The following C8orf34 variants were observed in gnomAD, a reference collection of about 807,000 sequenced individuals.
C8orf34 encodes the protein chromosome 8 open reading frame 34, also known as uncharacterized protein C8orf34.
A neutral mutation model predicts 68.3 loss-of-function variants in C8orf34; 65 were observed. The ratio of observed to expected loss-of-function variants is 0.95; its 90% CI spans 0.78 to 1.17. C8orf34 has a LOEUF of 1.17. Ranked by LOEUF, C8orf34 falls within the 50% of genes most tolerant of loss-of-function variation. The pLI, the probability that C8orf34 is intolerant of heterozygous loss-of-function variation, is 0.00. For synonymous variants in C8orf34, 244 were observed against 241.2 expected (o/e 1.01, Z -0.11); for missense variants, 664 against 655.4 (o/e 1.01, Z -0.14).
At chr8:68,499,632 T>C (rs1217031739) in intron 5 of C8orf34, among the ~76,000 whole-genome samples, 3 of 152,146 alleles carry the variant, frequency 2.0e-5, no homozygotes, top group African/African-American at 7.2e-5. Context: ...TTAAAATTCG[T>C]AGGTAAAATT....
chr8:68,375,438 T>C (rs1807750613), intron 1 of C8orf34, among the ~76,000 whole-genome samples: 1 of 152,242 alleles, frequency 6.6e-6, no homozygotes, highest in Non-Finnish European at 1.5e-5. Context: ...CAAATAGTCA[T>C]GTACACCCCA....
chr8:68,782,784 G>A (rs556468161), intron 11 of C8orf34, among the ~76,000 whole-genome samples: 10 of 152,198 alleles, frequency 6.6e-5, no homozygotes, highest in Admixed American at 2.0e-4. Context: ...GAGGCTGGGC[G>A]TGGTGGCTCA....
At chr8:68,625,051 CAG>C (rs1487426893) in intron 7 of C8orf34, among the ~76,000 whole-genome samples, 3 of 151,718 alleles carry the variant, frequency 2.0e-5, no homozygotes, top group African/African-American at 7.3e-5. Context: ...AGAAGTATAA[CAG>C]AATAAAGAAT....
At chr8:68,547,574 G>T (rs945248148) in intron 7 of C8orf34, among the ~76,000 whole-genome samples, 2 of 151,416 alleles carry the variant, frequency 1.3e-5, no homozygotes, top group Admixed American at 6.6e-5. Context: ...ACATTAAAAA[G>T]AAAAAAGAAA....
intron 12 of C8orf34, among the ~76,000 whole-genome samples, chr8:68,795,580 A>G (rs180719475): frequency 6.6e-6 from 1 of 152,204 alleles, no homozygotes; most frequent in Non-Finnish European, 1.5e-5. Flanking sequence ...GTACTCAGCC[A>G]TTGAAGTCTC....
At chr8:68,700,200 G>A (rs1563617353) in intron 8 of C8orf34, among the ~76,000 whole-genome samples, 2 of 152,034 alleles carry the variant, frequency 1.3e-5, no homozygotes, top group Non-Finnish European at 2.9e-5. Flanking sequence ...ACTAAAATAA[G>A]AAAGGAAATC....
At chr8:68,446,683 G>A (rs1205120700) in intron 3 of C8orf34, 4 of 524,270 alleles carry the variant, frequency 7.6e-6, no homozygotes, top group African/African-American at 2.0e-5. Context: ...GGACCCTTTT[G>A]AGTATAATAT....
At chr8:68,644,471 T>C (rs1431851712) in intron 8 of C8orf34, among the ~76,000 whole-genome samples, 5 of 152,206 alleles carry the variant, frequency 3.3e-5, no homozygotes, top group Non-Finnish European at 7.3e-5. Context: ...TTTAGGTGGA[T>C]GAGGGAAGTT....
intron 10 of C8orf34, among the ~76,000 whole-genome samples, chr8:68,762,904 G>A (rs1023649916): frequency 6.6e-6 from 1 of 152,168 alleles, no homozygotes; most frequent in Non-Finnish European, 1.5e-5. Flanking sequence ...TGACTGTATT[G>A]CATCAAAGAG....
At chr8:68,775,546 G>A (rs1476347924) in intron 10 of C8orf34, among the ~76,000 whole-genome samples, 2 of 152,064 alleles carry the variant, frequency 1.3e-5, no homozygotes, top group Non-Finnish European at 2.9e-5. Context: ...CACAGATGAC[G>A]GAGAATTTAC....
In C8orf34 at chr8:68,818,375, AC is replaced by A. The variant is rs1283130102; in HGVS notation, c.*130del. ...GTTATTTTTATAATCTCAATAATAA[AC>A]AAGTACTATCGTAGCCAGGGGGTGC... On this transcript the variant is annotated 3_prime_UTR_variant, in exon 14 of 14. Transcript: ENST00000518698. 4.6e-6 allele frequency: 5 copies of A among 1,087,182 alleles called. No individual in the cohort carries two copies. Among genetic ancestry groups the A allele is most frequent in the Non-Finnish European group, 6.9e-6 (5 of 728,800 alleles). 67.3% of individuals were successfully genotyped at this position (1,087,182 alleles called of 1,614,324 possible). A position where few individuals can be genotyped will look rare whatever the true frequency, so the allele number is the denominator to read the frequency against.
intron 12 of C8orf34, among the ~76,000 whole-genome samples, chr8:68,809,951 T>C (rs1348851678): frequency 1.3e-5 from 2 of 152,250 alleles, no homozygotes; most frequent in Non-Finnish European, 2.9e-5. Context: ...AATACTTTTT[T>C]CTTACTGAGT....
chr8:68,756,792 C>G (rs1031033697), intron 10 of C8orf34, among the ~76,000 whole-genome samples: 5 of 152,050 alleles, frequency 3.3e-5, no homozygotes, highest in African/African-American at 1.2e-4. Flanking sequence ...ATATTCTGAT[C>G]AATATTTTCA....
At chr8:68,439,241 A>T (rs72664946) in intron 1 of C8orf34, 39 of 281,734 alleles carry the variant, frequency 1.4e-4, no homozygotes, top group Middle Eastern at 2.1e-3. Context: ...TAAGTATAAT[A>T]CAAAATAAAA....
At chr8:68,756,601 TGTTA>T (rs374638165) in intron 10 of C8orf34, among the ~76,000 whole-genome samples, 253 of 152,276 alleles carry the variant, frequency 1.7e-3, no homozygotes, top group African/African-American at 5.6e-3. Flanking sequence ...TTAAATAATA[TGTTA>T]CTTAAGTACT....
chr8:68,540,566 G>T (rs893864924), intron 7 of C8orf34, among the ~76,000 whole-genome samples: 1 of 151,906 alleles, frequency 6.6e-6, no homozygotes, highest in Non-Finnish European at 1.5e-5. Context: ...ATAGAGGCCA[G>T]GTGCGGTGGC....
intron 9 of C8orf34, 44 bp from the exon 10 acceptor site, chr8:68,721,317 C>T (rs552264907): frequency 8.1e-7 from 1 of 1,232,224 alleles, no homozygotes; most frequent in Admixed American, 1.8e-5. Context: ...AATTAATAAG[C>T]AATATGTGAG....
intron 8 of C8orf34, among the ~76,000 whole-genome samples, chr8:68,671,552 C>T (rs1820010981): frequency 6.6e-6 from 1 of 152,200 alleles, no homozygotes; most frequent in Non-Finnish European, 1.5e-5. Context: ...GAATACAATA[C>T]TAGCATGGGA....
At chr8:68,419,420 T>C (rs573754885) in intron 1 of C8orf34, among the ~76,000 whole-genome samples, 16,277 of 143,672 alleles carry the variant, frequency 0.11, 1,105 homozygotes, top group African/African-American at 0.15. Context: ...GTCAGTGTGG[T>C]GATTCCTCAG....
Sources: gnomAD v4.1 joint callset for allele counts (sites outside exome capture counted in the v4.1 genomes callset) on GRCh38, gnomAD v4.1.1 for gene constraint, MANE v1.5 for transcripts, NCBI Gene and HGNC (gene_info 2026-07-23, HGNC 2026-07-21) for gene names.